RANBP9: variants seen among roughly 807,000 people sequenced by gnomAD.
RANBP9 encodes the protein ran-binding protein 9.
In RANBP9, 15 loss-of-function variants were observed where a neutral mutation model predicts 84.3. The observed-to-expected ratio is 0.18, with a 90% CI of 0.12 to 0.27. The LOEUF is 0.27. Ranked by LOEUF, RANBP9 falls within the 10% of genes least tolerant of loss-of-function variation. The pLI is 1.00. For synonymous variants in RANBP9, 392 were observed against 349.6 expected (o/e 1.12, Z -1.35); for missense variants, 809 against 912.8 (o/e 0.89, Z 1.46).
chr6:13,710,882 C>A, intron 1 of RANBP9, 53 bp downstream of exon 1: 1 of 1,519,246 alleles, frequency 6.6e-7, no homozygotes, highest in Non-Finnish European at 8.9e-7. Flanking sequence ...GCAGCGGCGG[C>A]CGGCCACGTC....
chr6:13,646,324 G>A (rs1765173683), intron 5 of RANBP9, among the ~76,000 whole-genome samples: 3 of 152,146 alleles, frequency 2.0e-5, no homozygotes, highest in Admixed American at 1.3e-4. Context: ...AAGGATAATC[G>A]CTTGAACCGG....
intron 2 of RANBP9, among the ~76,000 whole-genome samples, chr6:13,666,100 G>C (rs1012150267): frequency 2.0e-5 from 3 of 152,014 alleles, no homozygotes; most frequent in Non-Finnish European, 2.9e-5. Flanking sequence ...TAAGATGTGT[G>C]CATTTCACCA....
In RANBP9 at chr6:13,692,546, A is replaced by AC. The variant is rs1329754518; in HGVS notation, c.683+4238_683+4239insG. On this transcript the variant is annotated intron_variant, in intron 2 of 13. Transcript: ENST00000011619. ...CCGTCTCAAAAAAAAAAAAAAAAAA[A>AC]AAAAAAAACACAAAAAACAAAAAGG... Among the ~76,000 whole-genome samples, 8 of 147,050 alleles carry AC rather than the reference A, an allele frequency of 5.4e-5. 1 individual carries two copies. Among genetic ancestry groups the AC allele is most frequent in the Non-Finnish European group, 1.2e-4 (8 of 66,912 alleles).
intron 12 of RANBP9, among the ~76,000 whole-genome samples, chr6:13,630,518 T>TAAA (rs61203161): frequency 6.8e-6 from 1 of 146,994 alleles, no homozygotes. Context: ...TAAGAATTCT[T>TAAA]AAAAAAAAAA....
intron 2 of RANBP9, among the ~76,000 whole-genome samples, chr6:13,661,830 G>C (rs534408880): frequency 4.3e-4 from 66 of 152,184 alleles, no homozygotes; most frequent in African/African-American, 1.6e-3. Context: ...CTACCAGAAA[G>C]AAAAGCAGAT....
Position 13,631,203 on chromosome 6 carries a change from C to A in RANBP9, c.1947+1167G>T, listed in dbSNP as rs1158902101. On this transcript the variant is annotated intron_variant, in intron 12 of 13. Coordinates refer to ENST00000011619, the MANE Select transcript of RANBP9 (RefSeq NM_005493.3). ...CTTTTTTGATAGCTCAGGGTAACCA[C>A]TAGAAACAGCAGTTTTTATACTATG... Among the ~76,000 whole-genome samples, 23 of 152,090 alleles carry A rather than the reference C, an allele frequency of 1.5e-4. 1 individual carries two copies. The highest frequency in any genetic ancestry group is 1.5e-3 in the Admixed American group (23 of 15,262).
intron 2 of RANBP9, among the ~76,000 whole-genome samples, chr6:13,686,116 GC>G (rs869094962): frequency 0.01 from 22 of 2,112 alleles, 2 homozygotes; most frequent in East Asian, 0.043. Flanking sequence ...CCCCCCCCCC[GC>G]CCCCCGAAAT....
chr6:13,695,401 GTTTTTTTTTTTTTT>G (rs773285024), intron 2 of RANBP9, among the ~76,000 whole-genome samples: 1 of 84,802 alleles, frequency 1.2e-5, no homozygotes, highest in East Asian at 4.5e-4. Context: ...CCAACCAAAT[GTTTTTTTTTTTTTT>G]TTTTTTTTTT....
chr6:13,708,850 C>CTACA (rs1758200148), intron 1 of RANBP9, among the ~76,000 whole-genome samples: 1 of 150,416 alleles, frequency 6.6e-6, no homozygotes, highest in Non-Finnish European at 1.5e-5. Context: ...CACACACAGT[C>CTACA]TACAGTAACA....
intron 9 of RANBP9, among the ~76,000 whole-genome samples, chr6:13,639,133 C>T (rs1210963920): frequency 6.6e-6 from 1 of 152,104 alleles, no homozygotes; most frequent in African/African-American, 2.4e-5. Flanking sequence ...ATTTTTCACC[C>T]AGAAAAATCT....
chr6:13,641,112 A>G, intron 8 of RANBP9, 87 bp downstream of exon 8: 1 of 886,080 alleles, frequency 1.1e-6, no homozygotes, highest in Non-Finnish European at 1.6e-6. Context: ...AACTAAAATT[A>G]CAAAAGCACG....
chr6:13,689,399 T>C (rs948220124), intron 2 of RANBP9, among the ~76,000 whole-genome samples: 3 of 151,940 alleles, frequency 2.0e-5, no homozygotes, highest in East Asian at 1.9e-4. Flanking sequence ...GCTCCCCAAG[T>C]AGATGTGACT....
chr6:13,684,564 G>C (rs1004494801), intron 2 of RANBP9, among the ~76,000 whole-genome samples: 1 of 152,158 alleles, frequency 6.6e-6, no homozygotes, highest in Non-Finnish European at 1.5e-5. Flanking sequence ...GTAAAAAATT[G>C]TAAGTATGTA....
At chr6:13,657,569 G>A (rs1765430462) in intron 3 of RANBP9, among the ~76,000 whole-genome samples, 1 of 152,166 alleles carries the variant, frequency 6.6e-6, no homozygotes, top group Middle Eastern at 3.2e-3. Flanking sequence ...CACATTTTCT[G>A]TGCATATTCC....
intron 12 of RANBP9, among the ~76,000 whole-genome samples, chr6:13,627,622 T>C (rs1584907638): frequency 1.0e-5 from 1 of 96,968 alleles, no homozygotes; most frequent in Non-Finnish European, 1.9e-5. Flanking sequence ...AGAGAGAGAC[T>C]CCATCTCCAA....
At chr6:13,685,720 G>C (rs535939861) in intron 2 of RANBP9, among the ~76,000 whole-genome samples, 22 of 152,294 alleles carry the variant, frequency 1.4e-4, no homozygotes, top group African/African-American at 4.6e-4. Context: ...ACGAGGTCAA[G>C]AGATCGAGAC....
intron 12 of RANBP9, among the ~76,000 whole-genome samples, chr6:13,626,400 G>A (rs371519775): frequency 9.9e-5 from 15 of 152,226 alleles, no homozygotes; most frequent in African/African-American, 3.4e-4. Flanking sequence ...TTCAGATACT[G>A]GCTTCAAGTC....
At chr6:13,688,167 G>T (rs183829128) in intron 2 of RANBP9, among the ~76,000 whole-genome samples, 1 of 152,304 alleles carries the variant, frequency 6.6e-6, no homozygotes, top group East Asian at 1.9e-4. Flanking sequence ...GAGAGAGTCT[G>T]TCAAAAAATA....
intron 8 of RANBP9, 94 bp from the exon 9 acceptor site, chr6:13,639,847 AT>A: frequency 1.9e-6 from 2 of 1,071,450 alleles, no homozygotes; most frequent in South Asian, 3.3e-5. Flanking sequence ...TAAAACTTTG[AT>A]TTATCAGTAG....
Sources: allele counts gnomAD v4.1 joint callset (sites outside exome capture counted in the v4.1 genomes callset), GRCh38; gene constraint gnomAD v4.1.1; transcripts MANE v1.5; gene names NCBI Gene and HGNC (gene_info 2026-07-23, HGNC 2026-07-21).